The following OPCML variants were observed in gnomAD, a reference collection of about 807,000 sequenced individuals.
The protein encoded by OPCML is opioid-binding protein/cell adhesion molecule.
OPCML carries 13 observed loss-of-function variants against 37.8 expected under a neutral mutation model. The ratio of observed to expected loss-of-function variants is 0.34; its 90% confidence interval spans 0.22 to 0.55. OPCML has a LOEUF of 0.55. Among genes scored for constraint, OPCML ranks in the 20% least tolerant of loss-of-function variants. OPCML has a pLI of 0.91. For missense variants in OPCML, 341 were observed against 435.6 expected (o/e 0.78, Z 1.93); for synonymous variants, 176 against 168.8 (o/e 1.04, Z -0.33).
intron 4 of OPCML, among the ~76,000 whole-genome samples, chr11:132,484,071 C>T (rs372820637): frequency 3.3e-5 from 5 of 151,992 alleles, no homozygotes; most frequent in Admixed American, 1.3e-4. Context: ...ACAAATGGGA[C>T]CTAATTAAAC....
intron 1 of OPCML, among the ~76,000 whole-genome samples, chr11:133,475,218 TTTGTTGTTTTTTTGTTG>T (rs1283010364): frequency 7.7e-5 from 10 of 129,328 alleles, no homozygotes; most frequent in African/African-American, 4.3e-4. Context: ...GTGGTTTTTT[TTTGTTGTTTTTTTGTTG>T]TTGTTGTTGT....
intron 1 of OPCML, among the ~76,000 whole-genome samples, chr11:133,261,630 C>G (rs1185412413): frequency 6.6e-6 from 1 of 152,204 alleles, no homozygotes; most frequent in African/African-American, 2.4e-5. Flanking sequence ...GGGCTCTCAC[C>G]ATTTTTGTTC....
chr11:132,970,033 A>C (rs892519440), intron 1 of OPCML, among the ~76,000 whole-genome samples: 2 of 152,010 alleles, frequency 1.3e-5, no homozygotes, highest in African/African-American at 4.8e-5. Flanking sequence ...AACACATTTC[A>C]GCAACTCCGG....
chr11:132,498,692 C>T (rs1038227368), intron 4 of OPCML, among the ~76,000 whole-genome samples: 1 of 152,050 alleles, frequency 6.6e-6, no homozygotes, highest in Admixed American at 6.6e-5. Context: ...ATTTGAATTC[C>T]TGGCTCTTAG....
chr11:132,466,427 T>G (rs144795209), intron 4 of OPCML, among the ~76,000 whole-genome samples: 2,711 of 147,226 alleles, frequency 0.018, 35 homozygotes, highest in Non-Finnish European at 0.028. Flanking sequence ...GAGCTTGCAG[T>G]GAGCCGAGAT....
intron 2 of OPCML, among the ~76,000 whole-genome samples, chr11:132,713,956 A>G (rs373791760): frequency 2.6e-5 from 4 of 152,240 alleles, no homozygotes; most frequent in East Asian, 1.9e-4. Flanking sequence ...ATTCATTGCA[A>G]TAAAAACAAC....
intron 1 of OPCML, among the ~76,000 whole-genome samples, chr11:133,022,299 T>G (rs1460869645): frequency 6.6e-6 from 1 of 152,226 alleles, no homozygotes; most frequent in African/African-American, 2.4e-5. Context: ...ATGGATGAAC[T>G]CACTGTTCTT....
chr11:132,750,794 C>CTTT (rs762942241), intron 2 of OPCML, among the ~76,000 whole-genome samples: 5,828 of 144,196 alleles, frequency 0.04, 229 homozygotes, highest in African/African-American at 0.11. Flanking sequence ...TAAAGAAAAC[C>CTTT]TTTTTTTTTT....
chr11:132,504,775 G>A (rs999025504), intron 4 of OPCML, among the ~76,000 whole-genome samples: 3 of 152,042 alleles, frequency 2.0e-5, no homozygotes, highest in Non-Finnish European at 2.9e-5. Context: ...GGGGAGCCAC[G>A]AGCTATTGTG....
intron 1 of OPCML, among the ~76,000 whole-genome samples, chr11:133,530,678 A>G (rs1250397029): frequency 6.6e-6 from 1 of 152,036 alleles, no homozygotes; most frequent in African/African-American, 2.4e-5. Flanking sequence ...AACAACAGCA[A>G]CCCCCACTCT....
At chr11:133,290,988 G>A (rs1377056862) in intron 1 of OPCML, among the ~76,000 whole-genome samples, 1 of 152,212 alleles carries the variant, frequency 6.6e-6, no homozygotes, top group Non-Finnish European at 1.5e-5. Flanking sequence ...AGATGCTCAG[G>A]TGAATATTAT....
At chr11:133,077,315 C>A (rs1948637046) in intron 1 of OPCML, among the ~76,000 whole-genome samples, 1 of 151,890 alleles carries the variant, frequency 6.6e-6, no homozygotes, top group Admixed American at 6.6e-5. Flanking sequence ...TTCAAGCTTT[C>A]CAGCCCTGCC....
At chr11:133,095,488 TA>T (rs1449930581) in intron 1 of OPCML, among the ~76,000 whole-genome samples, 1 of 148,774 alleles carries the variant, frequency 6.7e-6, no homozygotes, top group African/African-American at 2.5e-5. Context: ...ATGAAGGAAG[TA>T]AATAAATGAG....
At chr11:132,780,161 T>C (rs1040770743) in intron 2 of OPCML, among the ~76,000 whole-genome samples, 1 of 152,150 alleles carries the variant, frequency 6.6e-6, no homozygotes, top group African/African-American at 2.4e-5. Context: ...CAGTCAACAA[T>C]AAAGGGTCAT....
chr11:132,839,186 C>T (rs1046035252), intron 2 of OPCML, among the ~76,000 whole-genome samples: 8 of 152,164 alleles, frequency 5.3e-5, no homozygotes, highest in Non-Finnish European at 1.2e-4. Context: ...CCCTGTTTGT[C>T]TTGTCAGAAA....
At chr11:133,369,578 T>C (rs1261694635) in intron 1 of OPCML, among the ~76,000 whole-genome samples, 2 of 152,208 alleles carry the variant, frequency 1.3e-5, no homozygotes, top group African/African-American at 4.8e-5. Flanking sequence ...TGACATAAGA[T>C]ATTGTCACAA....
At chr11:133,249,597 A>C (rs2136430605) in intron 1 of OPCML, among the ~76,000 whole-genome samples, 1 of 152,266 alleles carries the variant, frequency 6.6e-6, no homozygotes, top group South Asian at 2.1e-4. Context: ...TTGAGACACC[A>C]AGACAAAGGC....
chr11:132,487,834 C>T (rs978367914), intron 4 of OPCML, among the ~76,000 whole-genome samples: 2 of 152,254 alleles, frequency 1.3e-5, no homozygotes, highest in African/African-American at 4.8e-5. Context: ...CTTACTCAAT[C>T]ATAGTATTGC....
chr11:133,400,440 A>T (rs1174398807), intron 1 of OPCML, among the ~76,000 whole-genome samples: 2 of 152,234 alleles, frequency 1.3e-5, no homozygotes, highest in African/African-American at 4.8e-5. Context: ...AATAAGAGTC[A>T]GGACAATATT....
Sources: allele counts gnomAD v4.1 joint callset (sites outside exome capture counted in the v4.1 genomes callset), GRCh38; gene constraint gnomAD v4.1.1; transcripts MANE v1.5; gene names NCBI Gene and HGNC (gene_info 2026-07-23, HGNC 2026-07-21).